The following TSPAN5 variants were observed in gnomAD, a reference collection of about 807,000 sequenced individuals.
The protein encoded by TSPAN5 is tetraspanin 5, also known as tetraspanin-5.
Under a neutral mutation model 37.1 loss-of-function variants are expected in TSPAN5, and 10 were observed. The observed-to-expected ratio is 0.27, with a 90% confidence interval of 0.17 to 0.46. TSPAN5 has a LOEUF of 0.46. Ranked by LOEUF, TSPAN5 falls within the 20% of genes least tolerant of loss-of-function variation. The probability of loss-of-function intolerance (pLI) is 1.00; values close to 1 mark genes in which losing one functional copy is unlikely to be tolerated. For synonymous variants in TSPAN5, 110 were observed against 118.9 expected (o/e 0.93, Z 0.48); for missense variants, 195 against 326.6 (o/e 0.60, Z 3.11).
At chr4:98,614,193 G>T (rs1309091421) in intron 1 of TSPAN5, among the ~76,000 whole-genome samples, 1 of 152,198 alleles carries the variant, frequency 6.6e-6, no homozygotes, top group Non-Finnish European at 1.5e-5. Context: ...TATAAGTGTA[G>T]ATGCAGAAAA....
rs371406806 is a variant in TSPAN5 at position 98,622,510 on chromosome 4, C to T, written c.81+35636G>A. ...ACCAAAACACTTTCCACAGTGGTTGCGCCATTTTCATTCCCATCAGCAATG... is the reference window on the plus strand; with the variant it reads ...ACCAAAACACTTTCCACAGTGGTTGTGCCATTTTCATTCCCATCAGCAATG... On this transcript the variant is annotated intron_variant, in intron 1 of 7. Transcript: ENST00000305798. Among the ~76,000 whole-genome samples, 64 of 152,260 alleles carry T rather than the reference C, an allele frequency of 4.2e-4. 1 individual carries two copies. In the South Asian group the frequency reaches 0.011, roughly 26 times the overall value.
At chr4:98,651,304 G>C (rs1757180456) in intron 1 of TSPAN5, among the ~76,000 whole-genome samples, 1 of 152,228 alleles carries the variant, frequency 6.6e-6, no homozygotes, top group Non-Finnish European at 1.5e-5. Flanking sequence ...ATTGTCAAAA[G>C]TATCAAGAGC....
In TSPAN5 at chr4:98,505,873, G is replaced by A. The variant is rs570242948; in HGVS notation, c.132+1805C>T. Among the ~76,000 whole-genome samples the A allele has an allele frequency of 2.0e-4, 31 of 152,182 alleles. No individual in the cohort carries two copies. The South Asian group carries it at 5.2e-3, about 25-fold the overall frequency. On this transcript the variant is annotated intron_variant, in intron 2 of 7. Transcript: ENST00000305798. Reference sequence around the variant, plus strand: ...GGGTGACCTTGGCCAGGTTAACTTCGGATCTCAAGAGAAATCTTGATGGTG... The same window carrying A: ...GGGTGACCTTGGCCAGGTTAACTTCAGATCTCAAGAGAAATCTTGATGGTG...
intron 1 of TSPAN5, among the ~76,000 whole-genome samples, chr4:98,622,764 G>A (rs545425737): frequency 2.6e-3 from 397 of 152,284 alleles, no homozygotes; most frequent in African/African-American, 9.4e-3. Flanking sequence ...AGCAGGTCAT[G>A]GGCATGGAAG....
intron 1 of TSPAN5, among the ~76,000 whole-genome samples, chr4:98,655,298 C>T (rs1757272720): frequency 6.6e-6 from 1 of 152,162 alleles, no homozygotes; most frequent in Non-Finnish European, 1.5e-5. Context: ...GTATATACTA[C>T]TTCTGTTATA....
chr4:98,478,669 G>A lies in TSPAN5; in HGVS notation c.576+16C>T, dbSNP rs143204496. 1,620 of 1,614,036 alleles carry A rather than the reference G, an allele frequency of 1.0e-3. 13 individuals carry two copies. The African/African-American group carries it at 0.02, about 19-fold the overall frequency. The stretch of plus-strand genomic sequence containing the variant: ...GATGTACAGAGTAGGCCAATAGTTC[G>A]CTGGCATTCACTTACTGCGGGATCT... On this transcript the variant is annotated intron_variant, in intron 5 of 7. Coordinates refer to ENST00000305798, the MANE Select transcript of TSPAN5 (RefSeq NM_005723.4).
intron 1 of TSPAN5, among the ~76,000 whole-genome samples, chr4:98,646,485 C>G (rs1168683277): frequency 1.3e-5 from 2 of 152,144 alleles, no homozygotes; most frequent in Non-Finnish European, 2.9e-5. Flanking sequence ...CCTAACACCA[C>G]CACAGCTATC....
intron 1 of TSPAN5, among the ~76,000 whole-genome samples, chr4:98,618,897 C>T (rs966161224): frequency 1.3e-5 from 2 of 152,130 alleles, no homozygotes; most frequent in African/African-American, 2.4e-5. Context: ...TGTGCAGAAG[C>T]CGGGGGACAA....
At chr4:98,650,542 T>A (rs1326560187) in intron 1 of TSPAN5, among the ~76,000 whole-genome samples, 1 of 152,174 alleles carries the variant, frequency 6.6e-6, no homozygotes, top group Non-Finnish European at 1.5e-5. Flanking sequence ...TTATAAAATA[T>A]GGAGAGGAAA....
At chr4:98,489,639 C>T (rs1017415696) in intron 2 of TSPAN5, among the ~76,000 whole-genome samples, 1 of 152,222 alleles carries the variant, frequency 6.6e-6, no homozygotes, top group Non-Finnish European at 1.5e-5. Flanking sequence ...CCTCCGGATC[C>T]GGCAGGGTAT....
chr4:98,497,316 CAAAAA>C (rs398051229), intron 2 of TSPAN5, among the ~76,000 whole-genome samples: 1 of 101,864 alleles, frequency 9.8e-6, no homozygotes, highest in Admixed American at 1.0e-4. Flanking sequence ...GACTCCATCT[CAAAAA>C]AAAAAAAAAA....
At chr4:98,627,709 A>G (rs1458363741) in intron 1 of TSPAN5, among the ~76,000 whole-genome samples, 1 of 152,238 alleles carries the variant, frequency 6.6e-6, no homozygotes. Flanking sequence ...TCTGTAGTAA[A>G]TGACATCTCT....
At chr4:98,612,707 C>A (rs997270256) in intron 1 of TSPAN5, among the ~76,000 whole-genome samples, 4 of 152,004 alleles carry the variant, frequency 2.6e-5, no homozygotes, top group Non-Finnish European at 5.9e-5. Context: ...GGGCTCCCCC[C>A]GCTCCCCTAT....
intron 1 of TSPAN5, among the ~76,000 whole-genome samples, chr4:98,655,279 C>T (rs1455845344): frequency 8.5e-5 from 13 of 152,122 alleles, no homozygotes; most frequent in African/African-American, 2.9e-4. Context: ...TAATTTATCA[C>T]GTGTCCTGGT....
intron 1 of TSPAN5, among the ~76,000 whole-genome samples, chr4:98,643,000 A>G (rs1019205422): frequency 6.6e-6 from 1 of 152,166 alleles, no homozygotes; most frequent in Non-Finnish European, 1.5e-5. Flanking sequence ...ATGTAGCCTA[A>G]GTATAGTGTT....
At chr4:98,495,611 G>A (rs1578945974) in intron 2 of TSPAN5, among the ~76,000 whole-genome samples, 1 of 151,708 alleles carries the variant, frequency 6.6e-6, no homozygotes, top group South Asian at 2.1e-4. Context: ...GCTGTCTCTG[G>A]AATTTAAGCA....
intron 1 of TSPAN5, among the ~76,000 whole-genome samples, chr4:98,650,882 C>A (rs1301535284): frequency 1.3e-5 from 2 of 152,208 alleles, no homozygotes; most frequent in African/African-American, 4.8e-5. Context: ...TGTGAAAAGA[C>A]TGCACTGGCC....
chr4:98,565,654 A>G (rs1309593797), intron 1 of TSPAN5, among the ~76,000 whole-genome samples: 2 of 152,326 alleles, frequency 1.3e-5, no homozygotes, highest in Non-Finnish European at 2.9e-5. Flanking sequence ...TAGGAGTTAT[A>G]TATACTTGTT....
At chr4:98,612,765 C>G (rs1367229230) in intron 1 of TSPAN5, among the ~76,000 whole-genome samples, 2 of 152,152 alleles carry the variant, frequency 1.3e-5, no homozygotes, top group Non-Finnish European at 2.9e-5. Context: ...CCCACCAAGC[C>G]CTCTCCACAT....
Sources: gnomAD v4.1 joint callset for allele counts (sites outside exome capture counted in the v4.1 genomes callset) on GRCh38, gnomAD v4.1.1 for gene constraint, MANE v1.5 for transcripts, NCBI Gene and HGNC (gene_info 2026-07-23, HGNC 2026-07-21) for gene names.